The following ZMYM4 variants were observed in gnomAD, a reference collection of about 807,000 sequenced individuals.
The protein encoded by ZMYM4 is zinc finger MYM-type protein 4.
In ZMYM4, 31 loss-of-function variants were observed where a neutral mutation model predicts 183.2. That is an observed-to-expected ratio of 0.17 (90% CI 0.13 to 0.23). The LOEUF is 0.23. Ranked by LOEUF, ZMYM4 falls within the 10% of genes least tolerant of loss-of-function variation. The probability of loss-of-function intolerance (pLI) is 1.00; values close to 1 mark genes in which losing one functional copy is unlikely to be tolerated. For synonymous variants in ZMYM4, 592 were observed against 631.2 expected, an observed-to-expected ratio of 0.94 and a Z score of 0.93; for missense variants, 1,273 against 1,840.3, an observed-to-expected ratio of 0.69 and a Z score of 5.64.
rs767999411 is a variant in ZMYM4 at position 35,370,035 on chromosome 1, A to C, written c.847A>C (p.Ser283Arg). Residue 283 changes from serine to arginine, a missense_variant, in exon 6 of 30, where the codon AGT becomes CGT. Ser to Arg is a moderately radical substitution (Grantham distance 110, BLOSUM62 -1). Coordinates refer to ENST00000314607, the MANE Select transcript of ZMYM4 (RefSeq NM_005095.3). ...ATTTTTTTCTTCTTTAAAGGAGTAT[A>C]GTCATGGCCAACAGCAAAAAACTCA... Reference protein sequence around the residue: ...KDEPDNAQEYSHGQQQKTQEG... With the variant: ...KDEPDNAQEYRHGQQQKTQEG... 2 of 1,611,766 alleles carry C rather than the reference A, an allele frequency of 1.2e-6. No individual in the cohort carries two copies. Among genetic ancestry groups the C allele is most frequent in the Non-Finnish European group, 1.7e-6 (2 of 1,178,182 alleles).
rs563772172 is a variant in ZMYM4, at chr1:35,392,285, C to A, written c.2661C>A (p.Ala887=). 1.2e-6 allele frequency: 2 copies of A among 1,614,190 alleles called. No individual in the cohort carries two copies. The highest frequency in any genetic ancestry group is 2.2e-5 in the East Asian group (1 of 44,878). The part of the protein sequence containing the change: ...SLRKDSTPVI[A]NVVSLASAPA... ...GAAAAGATTCGACTCCAGTTATAGC[C>A]AATGTAGTATCATTGGCAAGTGCCC... Residue 887 remains alanine, a synonymous_variant, in exon 16 of 30, where the codon GCC becomes GCA. Transcript: ENST00000314607.
chr1:35,377,551 TATCTC>T (rs1190506572), intron 7 of ZMYM4, among the ~76,000 whole-genome samples: 29 of 152,210 alleles, frequency 1.9e-4, no homozygotes, highest in Non-Finnish European at 3.7e-4. Flanking sequence ...ATAAAGCAAT[TATCTC>T]AATAAAGTGA....
At chr1:35,315,253 G>A (rs1037086086) in intron 1 of ZMYM4, among the ~76,000 whole-genome samples, 1 of 152,094 alleles carries the variant, frequency 6.6e-6, no homozygotes, top group South Asian at 2.1e-4. Flanking sequence ...AACTTCAATA[G>A]AACATTTTTA....
intron 1 of ZMYM4, among the ~76,000 whole-genome samples, chr1:35,281,320 G>A (rs186045500): frequency 6.6e-6 from 1 of 151,728 alleles, no homozygotes; most frequent in East Asian, 1.9e-4. Flanking sequence ...TTAAAAAAAT[G>A]TGTTAAAATG....
chr1:35,418,418 TTTGA>T (rs764784449), intron 28 of ZMYM4, 21 bp from the exon 29 acceptor site: 2 of 1,610,362 alleles, frequency 1.2e-6, no homozygotes, highest in Non-Finnish European at 8.5e-7. Context: ...AATATAATCC[TTTGA>T]TTATTATTTC....
Position 35,389,922 on chromosome 1 carries a change from C to G in ZMYM4, c.2437-26C>G. On this transcript the variant is annotated intron_variant, in intron 14 of 29. Coordinates refer to ENST00000314607, the MANE Select transcript of ZMYM4 (RefSeq NM_005095.3). The surrounding 1 kb of genome is among the most constrained non-coding windows in gnomAD (Gnocchi z 4.0). ...CAGACCACAGATAATTTGTTTCTTA[C>G]TCCTTGACTACCTTCTTCTTTTTAG... 1 of 1,591,740 alleles carries G rather than the reference C, an allele frequency of 6.3e-7. No individual in the cohort carries two copies. Among genetic ancestry groups the G allele is most frequent in the Non-Finnish European group, 8.6e-7 (1 of 1,164,982 alleles).
intron 15 of ZMYM4, among the ~76,000 whole-genome samples, chr1:35,390,716 G>A (rs1644686115): frequency 6.6e-6 from 1 of 152,146 alleles, no homozygotes; most frequent in Non-Finnish European, 1.5e-5. Flanking sequence ...AGATTTCTTT[G>A]AGAATATTGA....
At chr1:35,392,171 A>C in intron 15 of ZMYM4, 41 bp from the exon 16 acceptor site, 1 of 1,613,204 alleles carries the variant, frequency 6.2e-7, no homozygotes. Flanking sequence ...AAGTACATAT[A>C]AATCACGTGA....
intron 2 of ZMYM4, among the ~76,000 whole-genome samples, chr1:35,339,341 T>C (rs1169024461): frequency 6.6e-6 from 1 of 152,098 alleles, no homozygotes; most frequent in Non-Finnish European, 1.5e-5. Flanking sequence ...TTCAAGCAGT[T>C]CTCCTGCCTC....
chr1:35,366,509 G>C (rs915459236), intron 5 of ZMYM4, among the ~76,000 whole-genome samples: 2 of 152,086 alleles, frequency 1.3e-5, no homozygotes, highest in Non-Finnish European at 2.9e-5. Flanking sequence ...ATTTATGAAA[G>C]AATTAATAGA....
intron 2 of ZMYM4, among the ~76,000 whole-genome samples, chr1:35,345,736 T>C (rs1643368932): frequency 6.6e-6 from 1 of 152,202 alleles, no homozygotes; most frequent in African/African-American, 2.4e-5. Flanking sequence ...CGTGAGCCAC[T>C]GTACCCAGCC....
At chr1:35,371,102 TGTGTGC>T (rs758821921) in intron 7 of ZMYM4, among the ~76,000 whole-genome samples, 11,308 of 129,804 alleles carry the variant, frequency 0.087, 1,065 homozygotes, top group African/African-American at 0.26. Flanking sequence ...TGTGTGTGTG[TGTGTGC>T]GCACATTTAT....
At chr1:35,306,683 G>T (rs1641548084) in intron 1 of ZMYM4, among the ~76,000 whole-genome samples, 1 of 152,034 alleles carries the variant, frequency 6.6e-6, no homozygotes. Context: ...GGCATATATG[G>T]TCCTGATTAT....
intron 22 of ZMYM4, 105 bp from the exon 23 acceptor site, chr1:35,399,373 AAACT>A (rs1158161443): frequency 1.1e-5 from 11 of 1,026,930 alleles, no homozygotes; most frequent in Admixed American, 5.0e-5. Context: ...TATCACAAAC[AAACT>A]AATGAATATA....
intron 2 of ZMYM4, among the ~76,000 whole-genome samples, chr1:35,348,959 A>G (rs919238481): frequency 6.6e-6 from 1 of 152,160 alleles, no homozygotes; most frequent in African/African-American, 2.4e-5. Flanking sequence ...TCAGATTGCA[A>G]TCATGAAGAT....
At chr1:35,291,383 T>C (rs1319558032) in intron 1 of ZMYM4, among the ~76,000 whole-genome samples, 2 of 152,068 alleles carry the variant, frequency 1.3e-5, no homozygotes, top group Non-Finnish European at 2.9e-5. Context: ...TCAGCTTCAT[T>C]TTCTTAAGTG....
chr1:35,359,699 A>AGGC (rs995916198), intron 3 of ZMYM4, among the ~76,000 whole-genome samples: 1 of 152,090 alleles, frequency 6.6e-6, no homozygotes, highest in African/African-American at 2.4e-5. Flanking sequence ...TTGATGAGAA[A>AGGC]GGCAAGATAC....
chr1:35,300,045 T>C (rs1050707437), intron 1 of ZMYM4, among the ~76,000 whole-genome samples: 1 of 151,880 alleles, frequency 6.6e-6, no homozygotes, highest in African/African-American at 2.4e-5. Flanking sequence ...TCCGCCCACC[T>C]TGGCCTCCCA....
chr1:35,346,976 TAAA>T (rs1419921918), intron 2 of ZMYM4, among the ~76,000 whole-genome samples: 2 of 152,216 alleles, frequency 1.3e-5, no homozygotes, highest in Admixed American at 6.5e-5. Flanking sequence ...AGGCCCTGGA[TAAA>T]ATTGTTTAAT....
Sources: allele counts gnomAD v4.1 joint callset (sites outside exome capture counted in the v4.1 genomes callset), GRCh38; gene constraint gnomAD v4.1.1; non-coding constraint Gnocchi (gnomAD v3.1); transcripts MANE v1.5; gene names NCBI Gene and HGNC (gene_info 2026-07-23, HGNC 2026-07-21).